Variants in IPCEF1 observed in about 807,000 individuals in gnomAD.
IPCEF1 encodes the protein interactor protein for cytohesin exchange factors 1.
Under a neutral mutation model 50.9 loss-of-function variants are expected in IPCEF1, and 31 were observed. That is an observed-to-expected ratio of 0.61 (90% CI 0.46 to 0.82). The LOEUF (loss-of-function observed/expected upper bound fraction) is 0.82. Among genes scored for constraint, IPCEF1 ranks in the 40% least tolerant of loss-of-function variants. The pLI is 0.00. For missense variants in IPCEF1, 458 were observed against 514.0 expected (o/e 0.89, Z 1.05); for synonymous variants, 181 against 192.0 (o/e 0.94, Z 0.47).
chr6:154,199,029 T>C (rs1323815156), intron 10 of IPCEF1, among the ~76,000 whole-genome samples: 2 of 152,236 alleles, frequency 1.3e-5, no homozygotes, highest in African/African-American at 4.8e-5. Flanking sequence ...AAGGACCAGT[T>C]ATCAGAGTAT....
intron 5 of IPCEF1, among the ~76,000 whole-genome samples, chr6:154,245,245 C>G (rs2128641071): frequency 6.6e-6 from 1 of 152,066 alleles, no homozygotes. Context: ...TTGTGAATCC[C>G]TTAAAACTTT....
chr6:154,235,425 G>A (rs577274865), intron 5 of IPCEF1, among the ~76,000 whole-genome samples: 31 of 151,008 alleles, frequency 2.1e-4, no homozygotes, highest in African/African-American at 6.8e-4. Flanking sequence ...CCAGCTACTC[G>A]AGAGGCTGAG....
intron 10 of IPCEF1, among the ~76,000 whole-genome samples, chr6:154,176,368 AGAG>A (rs1800330357): frequency 6.6e-6 from 1 of 152,238 alleles, no homozygotes; most frequent in African/African-American, 2.4e-5. Flanking sequence ...AATTAGGAAA[AGAG>A]GAGGTCAAAT....
At chr6:154,239,737 T>C (rs1780426539) in intron 5 of IPCEF1, among the ~76,000 whole-genome samples, 1 of 152,228 alleles carries the variant, frequency 6.6e-6, no homozygotes, top group South Asian at 2.1e-4. Context: ...GCAGTCTCGC[T>C]CTGTCACCCA....
intron 5 of IPCEF1, among the ~76,000 whole-genome samples, chr6:154,243,729 G>A (rs1241417654): frequency 2.0e-5 from 3 of 152,182 alleles, no homozygotes; most frequent in African/African-American, 7.2e-5. Context: ...GGATTGGCAT[G>A]CTGTAAGTCA....
intron 3 of IPCEF1, among the ~76,000 whole-genome samples, chr6:154,259,437 G>A (rs570289186): frequency 6.6e-6 from 1 of 152,282 alleles, no homozygotes; most frequent in East Asian, 1.9e-4. Context: ...AGGATTACCT[G>A]AGGTCAGGAG....
At chr6:154,180,753 CA>C (rs1800803936) in intron 10 of IPCEF1, among the ~76,000 whole-genome samples, 1 of 152,058 alleles carries the variant, frequency 6.6e-6, no homozygotes, top group Non-Finnish European at 1.5e-5. Context: ...ATGCTGGATT[CA>C]GAAGACAGGA....
At chr6:154,169,493 T>A (rs1049149600) in intron 10 of IPCEF1, among the ~76,000 whole-genome samples, 13 of 152,196 alleles carry the variant, frequency 8.5e-5, no homozygotes, top group African/African-American at 2.4e-4. Flanking sequence ...TAAAACACAG[T>A]GTGGGACAAA....
At chr6:154,286,889 A>T (rs1290888484) in intron 2 of IPCEF1, among the ~76,000 whole-genome samples, 1 of 152,200 alleles carries the variant, frequency 6.6e-6, no homozygotes, top group African/African-American at 2.4e-5. Flanking sequence ...CCGTGTCCCC[A>T]CCCAAATCTC....
chr6:154,279,458 G>T (rs77990775), intron 2 of IPCEF1, among the ~76,000 whole-genome samples: 3,670 of 152,210 alleles, frequency 0.024, 127 homozygotes, highest in African/African-American at 0.082. Context: ...TGGTCATAAG[G>T]ATATCGTCCT....
chr6:154,320,496 C>T (rs901407824), intron 1 of IPCEF1, among the ~76,000 whole-genome samples: 2 of 152,150 alleles, frequency 1.3e-5, no homozygotes, highest in African/African-American at 4.8e-5. Flanking sequence ...GATTTTAGTG[C>T]ATCTGAGAAT....
chr6:154,221,018 A>G (rs1286882335), intron 7 of IPCEF1, among the ~76,000 whole-genome samples: 1 of 152,042 alleles, frequency 6.6e-6, no homozygotes, highest in African/African-American at 2.4e-5. Flanking sequence ...ACTTCTGTCC[A>G]CTCCTTTTTC....
intron 3 of IPCEF1, among the ~76,000 whole-genome samples, chr6:154,262,942 A>G (rs552676960): frequency 1.1e-3 from 173 of 151,928 alleles, no homozygotes; most frequent in African/African-American, 3.8e-3. Context: ...ATGCCCAGCT[A>G]ATTTTTGTAT....
chr6:154,237,274 T>A (rs1261003646), intron 5 of IPCEF1, among the ~76,000 whole-genome samples: 3 of 152,234 alleles, frequency 2.0e-5, no homozygotes, highest in Admixed American at 2.0e-4. Flanking sequence ...TTAACTCATG[T>A]GTTAACTGAA....
At chr6:154,213,028 G>A in intron 8 of IPCEF1, 173 bp from the exon 9 acceptor site, 1 of 582,972 alleles carries the variant, frequency 1.7e-6, no homozygotes, top group South Asian at 2.2e-5. Flanking sequence ...ATAAGAGGCA[G>A]AAACAAATGG....
intron 1 of IPCEF1, among the ~76,000 whole-genome samples, chr6:154,351,219 T>A (rs1784114329): frequency 6.6e-6 from 1 of 152,186 alleles, no homozygotes; most frequent in Non-Finnish European, 1.5e-5. Flanking sequence ...ATACTCAAAA[T>A]GGAAATTGAA....
intron 1 of IPCEF1, among the ~76,000 whole-genome samples, chr6:154,334,129 GT>G (rs1043933799): frequency 2.0e-5 from 3 of 152,198 alleles, no homozygotes; most frequent in Non-Finnish European, 4.4e-5. Context: ...GGGTCAGATA[GT>G]TTGGCAATCC....
chr6:154,190,727 A>G (rs1204937134), intron 10 of IPCEF1, among the ~76,000 whole-genome samples: 3 of 152,226 alleles, frequency 2.0e-5, no homozygotes, highest in East Asian at 3.8e-4. Flanking sequence ...TAGCAGGGTT[A>G]TTCATAATTT....
chr6:154,321,429 C>T (rs548845594), intron 1 of IPCEF1, among the ~76,000 whole-genome samples: 18 of 151,548 alleles, frequency 1.2e-4, no homozygotes, highest in African/African-American at 3.4e-4. Context: ...GAGGGTGATA[C>T]GTATATTTAT....
Sources: allele counts gnomAD v4.1 joint callset (sites outside exome capture counted in the v4.1 genomes callset), GRCh38; gene constraint gnomAD v4.1.1; transcripts MANE v1.5; gene names NCBI Gene and HGNC (gene_info 2026-07-23, HGNC 2026-07-21).